The following DLG2 variants were observed in gnomAD, a reference collection of about 807,000 sequenced individuals.
DLG2 encodes the protein disks large homolog 2.
A neutral mutation model predicts 132.5 loss-of-function variants in DLG2; 45 were observed. That is an observed-to-expected ratio of 0.34 (90% CI 0.27 to 0.44). The LOEUF (loss-of-function observed/expected upper bound fraction) is 0.44. Among genes scored for constraint, DLG2 ranks in the 20% least tolerant of loss-of-function variants. DLG2 has a pLI of 1.00. For missense variants in DLG2, 1,045 were observed against 1,196.9 expected (o/e 0.87, Z 1.87); for synonymous variants, 424 against 419.6 (o/e 1.01, Z -0.13).
At chr11:84,567,677 C>T (rs536679582) in intron 6 of DLG2, among the ~76,000 whole-genome samples, 1 of 152,234 alleles carries the variant, frequency 6.6e-6, no homozygotes, top group South Asian at 2.1e-4. Context: ...CTTTTTAATT[C>T]CCCAACAATT....
In DLG2 at chr11:84,626,482, A is replaced by C. The variant is rs376686303; in HGVS notation, c.358-91751T>G. On this transcript the variant is annotated intron_variant, in intron 6 of 27. Transcript: ENST00000376104. ...GGGAAGCATGTGGGACTTAGGGAGGAAAGTTGGTGGAGCCAGTCACTGCCC... is the reference window on the plus strand; with the variant it reads ...GGGAAGCATGTGGGACTTAGGGAGGCAAGTTGGTGGAGCCAGTCACTGCCC... Among the ~76,000 whole-genome samples, 3 of 152,286 alleles carry C rather than the reference A, an allele frequency of 2.0e-5. No individual in the cohort carries two copies. The East Asian group carries it at 5.8e-4, about 29-fold the overall frequency.
At position 83,627,334 on chromosome 11, in the gene DLG2, A is replaced by C. The variant is rs188962243; in HGVS notation, c.1940+5877T>G. Among the ~76,000 whole-genome samples the C allele has an allele frequency of 5.2e-3, 793 of 152,002 alleles. 3 individuals carry two copies. Among genetic ancestry groups the C allele is most frequent in the Middle Eastern group, 0.021 (6 of 292 alleles). Reference sequence around the variant, plus strand: ...TAACTCGTCATTTAGCATTAGGTATATCTCCTAATGCTATCCCTCCCCTCT... The same window carrying C: ...TAACTCGTCATTTAGCATTAGGTATCTCTCCTAATGCTATCCCTCCCCTCT... On this transcript the variant is annotated intron_variant, in intron 19 of 27. Coordinates refer to ENST00000376104, the MANE Select transcript of DLG2 (RefSeq NM_001142699.3).
chr11:84,350,180 C>G lies in DLG2; in HGVS notation c.520-98889G>C, dbSNP rs199985659. 3.9e-4 allele frequency among the ~76,000 whole-genome samples: 56 copies of G among 143,528 alleles called. 1 individual carries two copies. In the East Asian group the frequency reaches 9.6e-3, roughly 25 times the overall value. The allele number at this position is 143,528 out of a possible 152,430, so 94.2% of individuals were successfully genotyped here. ...GCGACAGAGAGAGACTTCGTCCCCCCCCCCAAAAAAAAAAAAAAAAAATCC... is the reference window on the plus strand; with the variant it reads ...GCGACAGAGAGAGACTTCGTCCCCCGCCCCAAAAAAAAAAAAAAAAAATCC... On this transcript the variant is annotated intron_variant, in intron 7 of 27. Transcript: ENST00000376104.
At chr11:83,957,136 G>A (rs1240711089) in intron 14 of DLG2, among the ~76,000 whole-genome samples, 1 of 152,172 alleles carries the variant, frequency 6.6e-6, no homozygotes, top group Non-Finnish European at 1.5e-5. Context: ...AAATCTTCAT[G>A]TTCTACCTCA....
At chr11:84,171,031 A>G (rs1156236683) in intron 8 of DLG2, among the ~76,000 whole-genome samples, 1 of 152,154 alleles carries the variant, frequency 6.6e-6, no homozygotes, top group Non-Finnish European at 1.5e-5. Context: ...AAATAGTGGT[A>G]TCACTTTCCG....
At chr11:83,768,183 A>G (rs962199969) in intron 18 of DLG2, among the ~76,000 whole-genome samples, 1 of 152,164 alleles carries the variant, frequency 6.6e-6, no homozygotes, top group African/African-American at 2.4e-5. Context: ...GCTGCTGCCT[A>G]AAGTCAGACT....
At chr11:85,208,443 G>GA (rs889921817) in intron 4 of DLG2, among the ~76,000 whole-genome samples, 31 of 144,970 alleles carry the variant, frequency 2.1e-4, no homozygotes, top group African/African-American at 2.8e-4. Flanking sequence ...AAGGCATGCA[G>GA]AAAAAAAAAA....
At chr11:84,820,238 A>G (rs941616655) in intron 6 of DLG2, among the ~76,000 whole-genome samples, 1 of 151,846 alleles carries the variant, frequency 6.6e-6, no homozygotes. Context: ...TGATTTTAAT[A>G]TAAAGGCATG....
rs116984240 is a variant in DLG2 at position 84,628,592 on chromosome 11, G to A, written c.358-93861C>T. On this transcript the variant is annotated intron_variant, in intron 6 of 27. Coordinates refer to ENST00000376104, the MANE Select transcript of DLG2 (RefSeq NM_001142699.3). ...ATCTTCACATCTTTGCACATGTTACGTCTTCTGCTCAGAAATGACCTCCAC... is the reference window on the plus strand; with the variant it reads ...ATCTTCACATCTTTGCACATGTTACATCTTCTGCTCAGAAATGACCTCCAC... 3.8e-3 allele frequency among the ~76,000 whole-genome samples: 577 copies of A among 152,054 alleles called. 4 individuals carry two copies. Among genetic ancestry groups the A allele is most frequent in the African/African-American group, 0.013 (547 of 41,458 alleles).
Position 84,425,196 on chromosome 11 carries a change from G to T in DLG2, c.519+109374C>A, listed in dbSNP as rs557789584. On this transcript the variant is annotated intron_variant, in intron 7 of 27. Transcript: ENST00000376104. The stretch of plus-strand genomic sequence containing the variant: ...TGTTGAATTGTTAATTGACTTCAAA[G>T]GCTGCAGATGATTTATTTACCTGAA... 1.5e-3 allele frequency among the ~76,000 whole-genome samples: 230 copies of T among 152,150 alleles called. 10 individuals carry two copies. The Middle Eastern group carries it at 0.027, about 18-fold the overall frequency.
chr11:83,891,605 A>C (rs2069884093), intron 15 of DLG2, among the ~76,000 whole-genome samples: 1 of 152,194 alleles, frequency 6.6e-6, no homozygotes. Flanking sequence ...GTTCTGAAGA[A>C]GACTGGCATG....
intron 19 of DLG2, among the ~76,000 whole-genome samples, chr11:83,579,299 TATATC>T (rs1423731917): frequency 2.0e-5 from 3 of 152,220 alleles, no homozygotes; most frequent in Non-Finnish European, 2.9e-5. Flanking sequence ...CTGATGCAAT[TATATC>T]ATATTATGCT....
chr11:85,428,385 C>G (rs980822328), intron 3 of DLG2, among the ~76,000 whole-genome samples: 14 of 152,234 alleles, frequency 9.2e-5, no homozygotes, highest in Admixed American at 7.2e-4. Flanking sequence ...AAGTAAAGCA[C>G]TCCTCAGCAA....
intron 15 of DLG2, among the ~76,000 whole-genome samples, chr11:83,887,967 T>A (rs1403544254): frequency 3.3e-4 from 45 of 138,252 alleles, no homozygotes; most frequent in Middle Eastern, 7.1e-3. Context: ...ATAAGAGCTA[T>A]CTATGACAAA....
chr11:83,636,699 A>G (rs1479202255), intron 18 of DLG2, among the ~76,000 whole-genome samples: 1 of 152,192 alleles, frequency 6.6e-6, no homozygotes, highest in Non-Finnish European at 1.5e-5. Context: ...TTGTAACACA[A>G]TAGAATACTT....
chr11:83,612,733 C>G (rs1270879031), intron 19 of DLG2, among the ~76,000 whole-genome samples: 28 of 152,064 alleles, frequency 1.8e-4, no homozygotes. Flanking sequence ...ATTAAGAACC[C>G]CATAAACTGA....
Position 85,007,659 on chromosome 11 carries a change from C to T in DLG2, c.357+104002G>A, listed in dbSNP as rs998969816. On this transcript the variant is annotated intron_variant, in intron 6 of 27. Coordinates refer to ENST00000376104, the MANE Select transcript of DLG2 (RefSeq NM_001142699.3). ...CAGCCTGGGTGACAGAGCAAGACTC[C>T]GTCTCAAAAAAAAAAAAAAAAAAAA... is the stretch of plus-strand genomic sequence containing the variant. Among the ~76,000 whole-genome samples, 249 of 76,912 alleles carry T rather than the reference C, an allele frequency of 3.2e-3. 6 individuals carry two copies. The highest frequency in any genetic ancestry group is 8.3e-4 in the African/African-American group (13 of 15,724). 50.5% of individuals were successfully genotyped at this position (76,912 alleles called of 152,430 possible). A position where few individuals can be genotyped will look rare whatever the true frequency, so the allele number is the denominator to read the frequency against.
chr11:84,956,018 G>A (rs965415954), intron 6 of DLG2, among the ~76,000 whole-genome samples: 1 of 152,156 alleles, frequency 6.6e-6, no homozygotes, highest in African/African-American at 2.4e-5. Flanking sequence ...GTTTCCAGCA[G>A]AATAAGGGCC....
intron 7 of DLG2, among the ~76,000 whole-genome samples, chr11:84,497,124 A>G (rs1378603159): frequency 6.6e-6 from 1 of 152,172 alleles, no homozygotes; most frequent in African/African-American, 2.4e-5. Context: ...TAGATTAACA[A>G]ACATGGAAAA....
Sources: gnomAD v4.1 joint callset for allele counts (sites outside exome capture counted in the v4.1 genomes callset) on GRCh38, gnomAD v4.1.1 for gene constraint, MANE v1.5 for transcripts, NCBI Gene and HGNC (gene_info 2026-07-23, HGNC 2026-07-21) for gene names.